Variants in FILIP1 observed in about 807,000 individuals in gnomAD.
FILIP1 encodes the protein filamin-A-interacting protein 1.
FILIP1 carries 61 observed loss-of-function variants against 102.1 expected under a neutral mutation model. The ratio of observed to expected loss-of-function variants is 0.60; its 90% CI spans 0.49 to 0.74. The LOEUF (loss-of-function observed/expected upper bound fraction) is 0.74. Ranked by LOEUF, FILIP1 falls within the 30% of genes least tolerant of loss-of-function variation. The probability of loss-of-function intolerance (pLI) is 0.00; values close to 1 mark genes in which losing one functional copy is unlikely to be tolerated. For missense variants in FILIP1, 1,314 were observed against 1,441.2 expected, an observed-to-expected ratio of 0.91 and a Z score of 1.43; for synonymous variants, 491 against 526.9, an observed-to-expected ratio of 0.93 and a Z score of 0.93.
At chr6:75,388,193 A>G (rs1776163673) in intron 2 of FILIP1, among the ~76,000 whole-genome samples, 1 of 152,140 alleles carries the variant, frequency 6.6e-6, no homozygotes, top group Admixed American at 6.5e-5. Context: ...AGGTGGTTGT[A>G]GATGTGTGTG....
At chr6:75,401,380 A>T (rs1436063736) in intron 2 of FILIP1, among the ~76,000 whole-genome samples, 3 of 151,974 alleles carry the variant, frequency 2.0e-5, no homozygotes, top group Admixed American at 1.3e-4. Flanking sequence ...TACCACCCTT[A>T]ACCATAGATA....
chr6:75,390,300 T>C (rs1345592031), intron 2 of FILIP1, among the ~76,000 whole-genome samples: 1 of 152,220 alleles, frequency 6.6e-6, no homozygotes, highest in Non-Finnish European at 1.5e-5. Flanking sequence ...TAGCTTTTAT[T>C]CTCATGTCAT....
At chr6:75,449,504 C>T (rs1028124029) in intron 1 of FILIP1, among the ~76,000 whole-genome samples, 1 of 152,030 alleles carries the variant, frequency 6.6e-6, no homozygotes, top group African/African-American at 2.4e-5. Context: ...AAGATAAATG[C>T]CTTAGCTGGA....
At chr6:75,316,542 T>G (rs1304600453) in intron 4 of FILIP1, among the ~76,000 whole-genome samples, 1 of 152,156 alleles carries the variant, frequency 6.6e-6, no homozygotes, top group Non-Finnish European at 1.5e-5. Flanking sequence ...CAAGAAATAT[T>G]TGAACATACA....
chr6:75,352,665 C>T (rs1774849026), intron 4 of FILIP1, among the ~76,000 whole-genome samples: 1 of 151,740 alleles, frequency 6.6e-6, no homozygotes. Flanking sequence ...TTATACACAG[C>T]CAAATACTAA....
chr6:75,482,206 T>C (rs990682207), intron 1 of FILIP1, among the ~76,000 whole-genome samples: 1 of 152,172 alleles, frequency 6.6e-6, no homozygotes, highest in Non-Finnish European at 1.5e-5. Flanking sequence ...AATGGCATCA[T>C]TGGAATTTGG....
chr6:75,491,236 T>C (rs928733797), intron 1 of FILIP1, among the ~76,000 whole-genome samples: 102 of 152,060 alleles, frequency 6.7e-4, no homozygotes, highest in African/African-American at 2.4e-3. Flanking sequence ...GAATAAAAGC[T>C]GGGGCAAAGC....
In FILIP1 at chr6:75,312,503, C is replaced by T. The variant is rs1253086109; in HGVS notation, c.3329G>A (p.Arg1110His). 6.2e-6 allele frequency: 10 copies of T among 1,613,980 alleles called. No homozygotes were observed. Among genetic ancestry groups the T allele is most frequent in the African/African-American group, 4.0e-5 (3 of 74,876 alleles). The part of the protein sequence containing the change: ...EKEVSTGTVL[R>H]SPRNHLSSRP... Reference sequence around the variant, plus strand: ...TGAGGAGAGGTGATTCCTGGGAGAGCGAAGGACAGTGCCGGTGGAAACCTC... The same window carrying T: ...TGAGGAGAGGTGATTCCTGGGAGAGTGAAGGACAGTGCCGGTGGAAACCTC... Residue 1110 changes from arginine (R) to histidine (H), a missense_variant, in exon 5 of 6, where the codon CGC becomes CAC. Physicochemically the swap from Arg to His is conservative, Grantham distance 29. Transcript: ENST00000237172.
At chr6:75,425,294 A>G (rs767683543) in intron 1 of FILIP1, among the ~76,000 whole-genome samples, 8 of 152,214 alleles carry the variant, frequency 5.3e-5, no homozygotes, top group Non-Finnish European at 1.2e-4. Flanking sequence ...CAAGGCTGAC[A>G]AGAGCCATAA....
chr6:75,430,221 A>G (rs1339793874), intron 1 of FILIP1, among the ~76,000 whole-genome samples: 16 of 152,138 alleles, frequency 1.1e-4, no homozygotes, highest in Admixed American at 1.0e-3. Context: ...CATGATTGTA[A>G]GTTTCCTCAG....
At chr6:75,385,008 A>G in intron 2 of FILIP1, 1 of 140,708 alleles carries the variant, frequency 7.1e-6, no homozygotes, top group Non-Finnish European at 1.5e-5. Flanking sequence ...CCATGTTTTC[A>G]GGTTGGTCTG....
intron 2 of FILIP1, among the ~76,000 whole-genome samples, chr6:75,370,365 G>A (rs1295388849): frequency 6.6e-6 from 1 of 152,126 alleles, no homozygotes; most frequent in Non-Finnish European, 1.5e-5. Flanking sequence ...AGTGCCTGCT[G>A]CATGGTAGGC....
chr6:75,309,193 T>C (rs148261240), intron 5 of FILIP1, among the ~76,000 whole-genome samples: 22 of 152,228 alleles, frequency 1.4e-4, no homozygotes, highest in African/African-American at 4.8e-4. Context: ...AGGAAATAAA[T>C]ATAGACCACC....
chr6:75,410,383 C>T (rs1470442357), intron 2 of FILIP1, among the ~76,000 whole-genome samples: 4 of 151,404 alleles, frequency 2.6e-5, no homozygotes, highest in Non-Finnish European at 5.9e-5. Flanking sequence ...ATAACTTCCA[C>T]ATTTTTTTTG....
At chr6:75,450,029 T>A (rs1268292018) in intron 1 of FILIP1, among the ~76,000 whole-genome samples, 2 of 152,116 alleles carry the variant, frequency 1.3e-5, no homozygotes, top group East Asian at 3.8e-4. Context: ...GCTTTTAAAC[T>A]CCTGGGCTCA....
Position 75,313,213 on chromosome 6 carries a change from C to T in FILIP1, c.2619G>A (p.Met873Ile), listed in dbSNP as rs184534406. 2.8e-5 allele frequency: 46 copies of T among 1,614,184 alleles called. No individual in the cohort carries two copies. In the Middle Eastern group the frequency reaches 8.2e-4, roughly 29 times the overall value. The stretch of plus-strand genomic sequence containing the variant: ...TGGAGGGGCCGTTTTCCCTCTTTCT[C>T]ATCCATGGAATCCAAGACTTTCTCA... ...LTMRKSWIPW[M>I]RKRENGPSIT... Residue 873 changes from methionine (M) to isoleucine (I), a missense_variant, in exon 5 of 6, where the codon ATG becomes ATA. Physicochemically the swap from Met to Ile is conservative, Grantham distance 10. Around this residue, in one of 3 missense-constraint regions of FILIP1, gnomAD observed 816 missense variants for 913.1 expected, o/e 0.89. Coordinates refer to ENST00000237172, the MANE Select transcript of FILIP1 (RefSeq NM_015687.5). This position sits in a 1 kb window ranked among gnomAD's most constrained non-coding sequence, Gnocchi z 4.2.
At chr6:75,431,853 A>T (rs1777833953) in intron 1 of FILIP1, among the ~76,000 whole-genome samples, 1 of 152,228 alleles carries the variant, frequency 6.6e-6, no homozygotes, top group South Asian at 2.1e-4. Context: ...GAAAGAAAAC[A>T]AATCAAAACC....
intron 2 of FILIP1, among the ~76,000 whole-genome samples, chr6:75,389,997 A>AAAACAAAC (rs200546668): frequency 9.7e-4 from 148 of 152,226 alleles, no homozygotes; most frequent in African/African-American, 3.3e-3. Flanking sequence ...TCCAAAGCTT[A>AAAACAAAC]AAACAAACAA....
intron 1 of FILIP1, among the ~76,000 whole-genome samples, chr6:75,461,881 G>C (rs1366292580): frequency 6.6e-6 from 1 of 152,148 alleles, no homozygotes; most frequent in Non-Finnish European, 1.5e-5. Flanking sequence ...CGTGCTCAGA[G>C]GGGGCAATAG....
Sources: allele counts gnomAD v4.1 joint callset (sites outside exome capture counted in the v4.1 genomes callset), GRCh38; gene constraint gnomAD v4.1.1; regional missense constraint gnomAD v4.1.1; non-coding constraint Gnocchi (gnomAD v3.1); transcripts MANE v1.5; gene names NCBI Gene and HGNC (gene_info 2026-07-23, HGNC 2026-07-21).